The following RABEPK variants were observed in gnomAD, a reference collection of about 807,000 sequenced individuals.
RABEPK encodes the protein Rab9 effector protein with kelch motifs, also known as 40 kDa Rab9 effector protein.
Under a neutral mutation model 34.1 loss-of-function variants are expected in RABEPK, and 27 were observed. The observed-to-expected ratio is 0.79, with a 90% CI of 0.58 to 1.09. The LOEUF is 1.09. RABEPK is among the 50% of genes least tolerant of loss of function. RABEPK has a pLI of 0.00. For synonymous variants in RABEPK, 172 were observed against 169.2 expected, an observed-to-expected ratio of 1.02 and a Z score of -0.13; for missense variants, 449 against 462.6, an observed-to-expected ratio of 0.97 and a Z score of 0.27.
intron 2 of RABEPK, among the ~76,000 whole-genome samples, chr9:125,205,505 T>G (rs748743996): frequency 1.3e-5 from 2 of 152,180 alleles, no homozygotes. Context: ...AGTTTTTGTT[T>G]GTCTTTGAAA....
chr9:125,214,131 A>AT (rs1830764460), intron 4 of RABEPK, among the ~76,000 whole-genome samples: 1 of 152,024 alleles, frequency 6.6e-6, no homozygotes, highest in Non-Finnish European at 1.5e-5. Flanking sequence ...CAAAAAAAAA[A>AT]GAAAAAGAAA....
intron 3 of RABEPK, among the ~76,000 whole-genome samples, chr9:125,209,760 C>G (rs1252128425): frequency 6.6e-6 from 1 of 152,164 alleles, no homozygotes; most frequent in African/African-American, 2.4e-5. Flanking sequence ...ACACACAGAT[C>G]CCTCTGCTAG....
intron 6 of RABEPK, among the ~76,000 whole-genome samples, chr9:125,229,723 A>G (rs1564198201): frequency 6.6e-6 from 1 of 152,228 alleles, no homozygotes; most frequent in Non-Finnish European, 1.5e-5. Flanking sequence ...ATGTGGATGT[A>G]GATGACTAGA....
At chr9:125,218,236 C>T (rs1208254756) in intron 4 of RABEPK, among the ~76,000 whole-genome samples, 2 of 140,190 alleles carry the variant, frequency 1.4e-5, no homozygotes, top group Non-Finnish European at 3.0e-5. Flanking sequence ...AGGAGAATGG[C>T]GTGAACCCGG....
At position 125,233,926 on chromosome 9, in the gene RABEPK, G is replaced by C; in HGVS notation, c.1065G>C (p.Gly355=). ...CACTGCTCTGTTTGGTGTTTGGTGG[G>C]ATGAATACAGAAGGGGAAATCTATG... is the stretch of plus-strand genomic sequence containing the variant. ...TATLLCLVFG[G]MNTEGEIYDD... The change falls in exon 8 of 8, where the codon GGG becomes GGC. Residue 355 remains glycine (G), a synonymous_variant. Transcript: ENST00000373538. 6.2e-7 allele frequency: 1 copy of C among 1,613,628 alleles called. No individual in the cohort carries two copies. Among genetic ancestry groups the C allele is most frequent in the South Asian group, 1.1e-5 (1 of 91,072 alleles).
chr9:125,203,236 G>A (rs940120991), intron 2 of RABEPK, among the ~76,000 whole-genome samples, 170 bp downstream of exon 2: 1 of 152,090 alleles, frequency 6.6e-6, no homozygotes, highest in Non-Finnish European at 1.5e-5. Flanking sequence ...AAGATAGGGG[G>A]GCAGTAATTA....
chr9:125,206,533 CCG>C (rs1199800947), intron 2 of RABEPK, among the ~76,000 whole-genome samples: 1 of 151,808 alleles, frequency 6.6e-6, no homozygotes, highest in African/African-American at 2.4e-5. Flanking sequence ...AGTGGAATGA[CCG>C]AATTCTGTAT....
intron 7 of RABEPK, among the ~76,000 whole-genome samples, chr9:125,233,002 G>A (rs1308560826): frequency 6.6e-6 from 1 of 151,518 alleles, no homozygotes; most frequent in Admixed American, 6.6e-5. Flanking sequence ...CTTGAACCCA[G>A]GAGGCAGAGA....
At chr9:125,222,282 T>C (rs764080307) in intron 5 of RABEPK, 4 of 151,834 alleles carry the variant, frequency 2.6e-5, no homozygotes, top group African/African-American at 4.8e-5. Flanking sequence ...TTTGAATATA[T>C]AAAACTATAA....
chr9:125,232,511 T>C (rs1018934337), intron 6 of RABEPK, 85 bp from the exon 7 acceptor site: 4 of 1,402,268 alleles, frequency 2.9e-6, no homozygotes, highest in Admixed American at 4.7e-5. Flanking sequence ...CTTTCAGTGA[T>C]TGGTGTGCAA....
intron 1 of RABEPK, among the ~76,000 whole-genome samples, chr9:125,201,176 G>T (rs959560034): frequency 2.0e-5 from 3 of 152,246 alleles, no homozygotes; most frequent in African/African-American, 4.8e-5. Context: ...GATGTGGGTG[G>T]AAGAGAAAAG....
At chr9:125,232,530 A>G (rs1305800254) in intron 6 of RABEPK, 66 bp from the exon 7 acceptor site, 3 of 1,520,718 alleles carry the variant, frequency 2.0e-6, no homozygotes, top group Admixed American at 1.9e-5. Context: ...AAACTACAGT[A>G]GATAGATAAG....
intron 4 of RABEPK, among the ~76,000 whole-genome samples, chr9:125,219,189 T>A (rs2131400941): frequency 6.7e-6 from 1 of 149,424 alleles, no homozygotes; most frequent in East Asian, 1.9e-4. Context: ...TTTTTTTCAT[T>A]TCTTTCTTTC....
chr9:125,232,706 C>G lies in RABEPK; in HGVS notation c.787C>G (p.Pro263Ala). The G allele has an allele frequency of 6.2e-7, 1 of 1,614,056 alleles. No homozygotes were observed. The highest frequency in any genetic ancestry group is 8.5e-7 in the Non-Finnish European group (1 of 1,179,974). The change falls in exon 7 of 8, where the codon CCT becomes GCT. Residue 263 changes from proline (P) to alanine (A), a missense_variant. Pro to Ala is a conservative substitution (Grantham distance 27, BLOSUM62 -1). Transcript: ENST00000373538. ...TGTGTACATCTTTGGTGGAATGACT[C>G]CTGCAGGAGCACTGGACACAATGTA... is the stretch of plus-strand genomic sequence containing the variant. ...KHVYIFGGMT[P>A]AGALDTMYQY... is the part of the protein sequence containing the mutation.
chr9:125,205,595 C>G (rs536760952), intron 2 of RABEPK, among the ~76,000 whole-genome samples: 1 of 152,238 alleles, frequency 6.6e-6, no homozygotes, highest in Non-Finnish European at 1.5e-5. Context: ...CGGGTTCAAG[C>G]GATCCTGCCT....
Position 125,220,666 on chromosome 9 carries a change from C to T in RABEPK, c.492C>T (p.Pro164=), listed in dbSNP as rs185268908. Residue 164 remains proline, a synonymous_variant, in exon 5 of 8, where the codon CCC becomes CCT. Coordinates refer to ENST00000373538, the MANE Select transcript of RABEPK (RefSeq NM_005833.4). ...VFGGGERGAQ[P]VQDTKLHVFD... ...GGGGCGGAGAGAGAGGTGCCCAGCC[C>T]GTGCAGGACACGAAGCTGCATGTGT... 89 of 1,614,178 alleles carry T rather than the reference C, an allele frequency of 5.5e-5. No homozygotes were observed. Among genetic ancestry groups the T allele is most frequent in the South Asian group, 9.9e-5 (9 of 91,088 alleles).
rs79201225 is a variant in RABEPK at position 125,221,309 on chromosome 9, C to T, written c.526+609C>T. The T allele has an allele frequency of 7.2e-5, 11 of 152,112 alleles. No individual in the cohort carries two copies. In the East Asian group the frequency reaches 2.1e-3, roughly 29 times the overall value. The allele number at this position is 152,112 out of a possible 1,614,324, so 9.4% of individuals were successfully genotyped here. ...GTCAGGAGTTTGAAACCAGCCTGGCCATCATGGCAAAACCCCATCTCTACT... is the reference window on the plus strand; with the variant it reads ...GTCAGGAGTTTGAAACCAGCCTGGCTATCATGGCAAAACCCCATCTCTACT... On this transcript the variant is annotated intron_variant, in intron 5 of 7. Coordinates refer to ENST00000373538, the MANE Select transcript of RABEPK (RefSeq NM_005833.4).
chr9:125,218,502 C>G (rs1263752786), intron 4 of RABEPK, among the ~76,000 whole-genome samples: 1 of 152,088 alleles, frequency 6.6e-6, no homozygotes, highest in Non-Finnish European at 1.5e-5. Context: ...TGGCAGTGCC[C>G]AGGGCAATGA....
chr9:125,222,711 ATC>A, intron 5 of RABEPK, among the ~76,000 whole-genome samples: 3 of 128,304 alleles, frequency 2.3e-5, no homozygotes, highest in South Asian at 2.6e-4. Flanking sequence ...AAGACTCTGT[ATC>A]AAAAAAAAAA....
Sources: gnomAD v4.1 joint callset for allele counts (sites outside exome capture counted in the v4.1 genomes callset) on GRCh38, gnomAD v4.1.1 for gene constraint, MANE v1.5 for transcripts, NCBI Gene and HGNC (gene_info 2026-07-23, HGNC 2026-07-21) for gene names.